Variants in CACHD1 observed in about 807,000 individuals in gnomAD.
CACHD1 encodes VWFA and cache domain-containing protein 1.
CACHD1 carries 71 observed loss-of-function variants against 138.7 expected under a neutral mutation model. The ratio of observed to expected loss-of-function variants is 0.51; its 90% CI spans 0.42 to 0.62. The LOEUF is 0.62. CACHD1 is among the 20% of genes least tolerant of loss of function. The pLI, the probability that CACHD1 is intolerant of heterozygous loss-of-function variation, is 0.00. For missense variants in CACHD1, 1,389 were observed against 1,625.3 expected (o/e 0.85, Z 2.50); for synonymous variants, 578 against 591.5 (o/e 0.98, Z 0.33).
At chr1:64,621,231 A>C (rs1194481820) in intron 4 of CACHD1, among the ~76,000 whole-genome samples, 2 of 152,102 alleles carry the variant, frequency 1.3e-5, no homozygotes, top group Non-Finnish European at 1.5e-5. Context: ...TTTTTAAAAG[A>C]CTGACATTAA....
chr1:64,589,283 C>A lies in CACHD1; in HGVS notation c.410+6979C>A, dbSNP rs367989231. ...ACAAATTTAGTGCATTTCCAGCTGG[C>A]ACCCACTTGAATTATATGATTTCAG... On this transcript the variant is annotated intron_variant, in intron 3 of 26. Transcript: ENST00000651257. Among the ~76,000 whole-genome samples, 18 of 152,200 alleles carry A rather than the reference C, an allele frequency of 1.2e-4. 3 individuals are homozygous for A. Among genetic ancestry groups the A allele is most frequent in the Admixed American group, 4.6e-4 (7 of 15,286 alleles).
intron 13 of CACHD1, 44 bp from the exon 14 acceptor site, chr1:64,663,649 TAG>T (rs754526952): frequency 1.9e-6 from 3 of 1,612,126 alleles, no homozygotes; most frequent in Non-Finnish European, 2.5e-6. Flanking sequence ...TGGGATGAGA[TAG>T]AGTCTCCGCA....
At chr1:64,664,375 GA>G in intron 14 of CACHD1, 122 bp from the exon 15 acceptor site, 1 of 928,236 alleles carries the variant, frequency 1.1e-6, no homozygotes, top group South Asian at 1.7e-5. Context: ...GCTGTGGAAA[GA>G]TTTTTAAAAA....
chr1:64,592,384 A>G (rs1258597545), intron 3 of CACHD1, among the ~76,000 whole-genome samples: 1 of 152,230 alleles, frequency 6.6e-6, no homozygotes, highest in Non-Finnish European at 1.5e-5. Flanking sequence ...CCAAGAGCTC[A>G]TAGGACACAT....
chr1:64,506,600 G>A (rs1646378862), intron 1 of CACHD1: 1 of 152,204 alleles, frequency 6.6e-6, no homozygotes, highest in Non-Finnish European at 1.5e-5. Flanking sequence ...GCAGGTTGTA[G>A]TGGGTATACT....
At chr1:64,554,078 C>T (rs965909222) in intron 2 of CACHD1, among the ~76,000 whole-genome samples, 2 of 152,170 alleles carry the variant, frequency 1.3e-5, no homozygotes, top group East Asian at 1.9e-4. Context: ...GTTGCCCAGG[C>T]TGGAGTGCAG....
At chr1:64,656,467 G>T (rs1014766331) in intron 12 of CACHD1, among the ~76,000 whole-genome samples, 1 of 152,140 alleles carries the variant, frequency 6.6e-6, no homozygotes, top group Non-Finnish European at 1.5e-5. Flanking sequence ...TTTGAAATTA[G>T]AGATTGTTTA....
intron 1 of CACHD1, among the ~76,000 whole-genome samples, chr1:64,499,675 C>T (rs562583326): frequency 3.2e-4 from 48 of 152,264 alleles, no homozygotes; most frequent in South Asian, 4.2e-4. Context: ...AGAACTTTAT[C>T]ACAGAAACAA....
intron 1 of CACHD1, among the ~76,000 whole-genome samples, chr1:64,514,800 TATA>T (rs1391678822): frequency 1.3e-5 from 2 of 152,240 alleles, no homozygotes; most frequent in Non-Finnish European, 2.9e-5. Flanking sequence ...TATTAATTCT[TATA>T]ATTTCTACCT....
rs1030559828 is a variant in CACHD1, at chr1:64,471,628, T to C, written c.198+686T>C. Among the ~76,000 whole-genome samples, 5 of 152,360 alleles carry C rather than the reference T, an allele frequency of 3.3e-5. No homozygotes were observed. In the East Asian group the frequency reaches 9.6e-4, roughly 29 times the overall value. On this transcript the variant is annotated intron_variant, in intron 1 of 26. Transcript: ENST00000651257. ...GACTCTAATCCTGCTGGGGGACTCTTTTTGTTGCTTTCCGCATATCCTGCT... is the reference window on the plus strand; with the variant it reads ...GACTCTAATCCTGCTGGGGGACTCTCTTTGTTGCTTTCCGCATATCCTGCT...
chr1:64,647,104 A>G (rs1196794913), intron 8 of CACHD1, among the ~76,000 whole-genome samples: 1 of 152,034 alleles, frequency 6.6e-6, no homozygotes, highest in Non-Finnish European at 1.5e-5. Flanking sequence ...CTTTTGTGCT[A>G]TAAATTACAG....
chr1:64,502,289 G>A (rs75002454), intron 1 of CACHD1, among the ~76,000 whole-genome samples: 3,441 of 152,246 alleles, frequency 0.023, 64 homozygotes, highest in Non-Finnish European at 0.032. Context: ...TTGATTTGTT[G>A]TATTGCTTCC....
chr1:64,632,856 A>T, intron 6 of CACHD1, 113 bp downstream of exon 6: 4 of 1,176,770 alleles, frequency 3.4e-6, no homozygotes, highest in Non-Finnish European at 4.8e-6. Flanking sequence ...ATGGGGTTAC[A>T]TCCTGATAAA....
rs141838223 is a variant in CACHD1 at position 64,639,047 on chromosome 1, C to T, written c.1007-2773C>T. On this transcript the variant is annotated intron_variant, in intron 7 of 26. Transcript: ENST00000651257. ...GCTGCTAGCTTTCTGGCCTTCCAGA[C>T]ATGGACCTTTGCCCTAGAAACAGCT... is the stretch of plus-strand genomic sequence containing the variant. Among the ~76,000 whole-genome samples, 8 of 152,314 alleles carry T rather than the reference C, an allele frequency of 5.3e-5. No individual in the cohort carries two copies. In the East Asian group the frequency reaches 1.5e-3, roughly 29 times the overall value.
chr1:64,558,813 C>T (rs559714391), intron 2 of CACHD1, among the ~76,000 whole-genome samples: 1 of 152,206 alleles, frequency 6.6e-6, no homozygotes, highest in South Asian at 2.1e-4. Flanking sequence ...AGAAAAACAA[C>T]CCCATTAAAA....
rs201157700 is a variant in CACHD1, at chr1:64,597,524, G to T, written c.411-5282G>T. Among the ~76,000 whole-genome samples, 553 of 80,286 alleles carry T rather than the reference G, an allele frequency of 6.9e-3. 2 individuals are homozygous for T. Among genetic ancestry groups the T allele is most frequent in the African/African-American group, 0.022 (455 of 21,098 alleles). The allele number at this position is 80,286 out of a possible 152,430, so 52.7% of individuals were successfully genotyped here. ...TCCAGAAGGAAGTTTTTTTTTTGTT[G>T]TTTTTTTTTTTTTTTTTTTTTTTTT... On this transcript the variant is annotated intron_variant, in intron 3 of 26. Coordinates refer to ENST00000651257, the MANE Select transcript of CACHD1 (RefSeq NM_020925.4).
Position 64,597,729 on chromosome 1 carries a change from G to A in CACHD1, c.411-5077G>A, listed in dbSNP as rs139350421. On this transcript the variant is annotated intron_variant, in intron 3 of 26. Transcript: ENST00000651257. ...TAAAAGCACAGGCATGAGGAATGAA[G>A]CAAACCAAACCTCTTAAGTTGAATT... 1.1e-4 allele frequency among the ~76,000 whole-genome samples: 17 copies of A among 152,010 alleles called. No individual in the cohort carries two copies. In the East Asian group the frequency reaches 2.5e-3, roughly 23 times the overall value.
intron 2 of CACHD1, among the ~76,000 whole-genome samples, chr1:64,571,753 C>T (rs529902165): frequency 1.3e-5 from 2 of 152,248 alleles, no homozygotes; most frequent in South Asian, 4.2e-4. Context: ...GGTCAGGTTT[C>T]GTCCTTCATT....
At chr1:64,622,254 T>C (rs934940900) in intron 4 of CACHD1, among the ~76,000 whole-genome samples, 1 of 152,196 alleles carries the variant, frequency 6.6e-6, no homozygotes, top group Non-Finnish European at 1.5e-5. Context: ...ATCTAACATA[T>C]GCTATTTAGT....
Sources: gnomAD v4.1 joint callset for allele counts (sites outside exome capture counted in the v4.1 genomes callset) on GRCh38, gnomAD v4.1.1 for gene constraint, MANE v1.5 for transcripts, NCBI Gene and HGNC (gene_info 2026-07-23, HGNC 2026-07-21) for gene names.